The following PLCZ1 variants were observed in gnomAD, a reference collection of about 807,000 sequenced individuals.
PLCZ1 encodes the protein phospholipase C zeta 1, also known as 1-phosphatidylinositol 4,5-bisphosphate phosphodiesterase zeta-1.
PLCZ1 carries 64 observed loss-of-function variants against 76.8 expected under a neutral mutation model. The ratio of observed to expected loss-of-function variants is 0.83; its 90% CI spans 0.68 to 1.03. The LOEUF is 1.03. Among genes scored for constraint, PLCZ1 ranks in the 50% least tolerant of loss-of-function variants. The probability of loss-of-function intolerance (pLI) is 0.00; values close to 1 mark genes in which losing one functional copy is unlikely to be tolerated. For synonymous variants in PLCZ1, 248 were observed against 230.8 expected, an observed-to-expected ratio of 1.07 and a Z score of -0.68; for missense variants, 751 against 713.7, an observed-to-expected ratio of 1.05 and a Z score of -0.60.
Position 18,699,934 on chromosome 12 carries a change from A to G in PLCZ1, c.1034T>C (p.Ile345Thr). Reference protein sequence around the residue: ...FKKKKTRKLKIALALSDLVIY... With the variant: ...FKKKKTRKLKTALALSDLVIY... ...GACAAGATCAGATAAGGCCAGAGCA[A>G]TTTTTAGCTTCCTGGTCTAAAAATA... Residue 345 changes from isoleucine (I) to threonine (T), a missense_variant, in exon 10 of 15, where the codon ATT becomes ACT. By Grantham distance (89) the Ile-to-Thr change is moderately conservative (BLOSUM62 -1). Coordinates refer to ENST00000266505, the MANE Select transcript of PLCZ1 (RefSeq NM_033123.4). The G allele has an allele frequency of 6.2e-7, 1 of 1,610,738 alleles. No homozygotes were observed. The highest frequency in any genetic ancestry group is 8.5e-7 in the Non-Finnish European group (1 of 1,178,684).
At chr12:18,668,813 A>G in the PLCZ1 span, among the ~76,000 whole-genome samples, 8 of 152,176 alleles carry the variant, frequency 5.3e-5, no homozygotes, top group African/African-American at 1.7e-4. Context: ...GCTCTGATAC[A>G]TATCTACTCA....
In PLCZ1 at chr12:18,685,684, G is replaced by A. The variant is rs765972693; in HGVS notation, c.1592-1405C>T. 3 of 513,044 alleles carry A rather than the reference G, an allele frequency of 5.8e-6. No individual in the cohort carries two copies. The Admixed American group carries it at 5.9e-5, about 10-fold the overall frequency. 31.8% of individuals were successfully genotyped at this position (513,044 alleles called of 1,614,324 possible). ...CTAAGAAGAGAAATAATTTCATGGGGTACAGAGGCAGGTTTAGAGTCAATT... is the reference window on the plus strand; with the variant it reads ...CTAAGAAGAGAAATAATTTCATGGGATACAGAGGCAGGTTTAGAGTCAATT... On this transcript the variant is annotated intron_variant, in intron 13 of 14. Transcript: ENST00000266505.
intron 12 of PLCZ1, among the ~76,000 whole-genome samples, chr12:18,691,552 G>A (rs1400459331): frequency 1.3e-5 from 2 of 152,108 alleles, no homozygotes; most frequent in African/African-American, 4.8e-5. Flanking sequence ...AAGTAAAAAT[G>A]ACAATCACTT....
chr12:18,672,701 C>A, the PLCZ1 span, among the ~76,000 whole-genome samples: 1 of 152,138 alleles, frequency 6.6e-6, no homozygotes, highest in South Asian at 2.1e-4. Flanking sequence ...ACATGACCAT[C>A]CCAAGGTGAC....
chr12:18,650,320 TC>T, the PLCZ1 span, among the ~76,000 whole-genome samples: 2 of 106,512 alleles, frequency 1.9e-5, no homozygotes, highest in Non-Finnish European at 1.8e-5. Flanking sequence ...TCTCTCTCTC[TC>T]TCTCTCTCTC....
chr12:18,699,801 T>C lies in PLCZ1; in HGVS notation c.1167A>G (p.Lys389=). 2 of 1,613,402 alleles carry C rather than the reference T, an allele frequency of 1.2e-6. No individual in the cohort carries two copies. Among genetic ancestry groups the C allele is most frequent in the Non-Finnish European group, 1.7e-6 (2 of 1,179,560 alleles). Residue 389 remains lysine, a synonymous_variant, in exon 10 of 15, where the codon AAA becomes AAG. Transcript: ENST00000266505. The part of the protein sequence containing the change: ...IGETQARKLS[K]LRVHEFIFHT... ...TGAGTCACAAAAATTTACCTCGCAA[T>C]TTTGAAAGTTTTCGGGCTTGTGTCT...
At chr12:18,687,539 G>A (rs1325418140) in intron 13 of PLCZ1, among the ~76,000 whole-genome samples, 2 of 152,088 alleles carry the variant, frequency 1.3e-5, no homozygotes, top group African/African-American at 2.4e-5. Context: ...GTCATAGCAT[G>A]CCAGAATGAT....
chr12:18,658,838 G>A, the PLCZ1 span, among the ~76,000 whole-genome samples: 1 of 152,070 alleles, frequency 6.6e-6, no homozygotes, highest in Non-Finnish European at 1.5e-5. Context: ...CTTCAGAAAT[G>A]TTCTAAAGTG....
At chr12:18,691,037 C>G (rs1210076908) in intron 12 of PLCZ1, among the ~76,000 whole-genome samples, 1 of 152,132 alleles carries the variant, frequency 6.6e-6, no homozygotes, top group African/African-American at 2.4e-5. Flanking sequence ...CTGAAACCAT[C>G]AGGAAGCCAA....
chr12:18,736,553 G>GCTCC, intron 2 of PLCZ1: 3 of 1,267,284 alleles, frequency 2.4e-6, no homozygotes, highest in Non-Finnish European at 3.1e-6. Context: ...GCATAGCACA[G>GCTCC]TAAAAATACA....
Position 18,701,579 on chromosome 12 carries a change from T to C in PLCZ1, c.950-11A>G. ...TGTCTTGATTGTCTCCTAAAACAGA[T>C]TCCAATACTTCTGATTCTTTGAATT... On this transcript the variant is annotated splice_polypyrimidine_tract_variant and intron_variant, in intron 8 of 14. Coordinates refer to ENST00000266505, the MANE Select transcript of PLCZ1 (RefSeq NM_033123.4). 6.2e-7 allele frequency: 1 copy of C among 1,613,434 alleles called. No homozygotes were observed. The highest frequency in any genetic ancestry group is 8.5e-7 in the Non-Finnish European group (1 of 1,179,874).
At chr12:18,718,614 A>G (rs1185764830) in intron 5 of PLCZ1, among the ~76,000 whole-genome samples, 2 of 152,098 alleles carry the variant, frequency 1.3e-5, no homozygotes, top group Non-Finnish European at 2.9e-5. Context: ...GGCTTCCTGT[A>G]TCATCACTCA....
chr12:18,688,316 C>T (rs924759941), intron 12 of PLCZ1, 98 bp from the exon 13 acceptor site: 19 of 1,267,298 alleles, frequency 1.5e-5, no homozygotes, highest in African/African-American at 3.0e-5. Flanking sequence ...AGTTGATGGA[C>T]TCTAAGTCAG....
At chr12:18,705,062 A>G (rs1437825665) in intron 7 of PLCZ1, 104 bp downstream of exon 7, 1 of 1,400,872 alleles carries the variant, frequency 7.1e-7, no homozygotes, top group Non-Finnish European at 1.0e-6. Context: ...GATCAAAACT[A>G]AGCATTTTCA....
chr12:18,692,125 G>C (rs1954189790), intron 12 of PLCZ1, among the ~76,000 whole-genome samples: 2 of 152,276 alleles, frequency 1.3e-5, no homozygotes, highest in South Asian at 4.1e-4. Flanking sequence ...CCAGGTAATG[G>C]GGAGCAGAGG....
Position 18,723,435 on chromosome 12 carries a change from A to G in PLCZ1, c.243T>C (p.Ser81=). Residue 81 remains serine, a synonymous_variant, in exon 4 of 15, where the codon TCT becomes TCC. Coordinates refer to ENST00000266505, the MANE Select transcript of PLCZ1 (RefSeq NM_033123.4). ...TTGCTAAAAGAATTTTCCGGTTTTC[A>G]GAATATGTGTTGAAAATCTCAATAA... The part of the protein sequence containing the change: ...EEIIEIFNTY[S]ENRKILLASN... 1 of 1,613,078 alleles carries G rather than the reference A, an allele frequency of 6.2e-7. No homozygotes were observed. Among genetic ancestry groups the G allele is most frequent in the Non-Finnish European group, 8.5e-7 (1 of 1,179,446 alleles).
At chr12:18,692,101 T>C (rs1045934656) in intron 12 of PLCZ1, among the ~76,000 whole-genome samples, 2 of 152,146 alleles carry the variant, frequency 1.3e-5, no homozygotes, top group African/African-American at 4.8e-5. Context: ...CCAGCATTTC[T>C]TGCACTCTAA....
the PLCZ1 span, among the ~76,000 whole-genome samples, chr12:18,669,036 T>TA: frequency 6.6e-6 from 1 of 152,178 alleles, no homozygotes; most frequent in Non-Finnish European, 1.5e-5. Context: ...GTAATAATAA[T>TA]AATAGCTAAT....
intron 6 of PLCZ1, among the ~76,000 whole-genome samples, chr12:18,706,661 T>A (rs973182761): frequency 6.6e-6 from 1 of 152,202 alleles, no homozygotes; most frequent in Non-Finnish European, 1.5e-5. Flanking sequence ...TGTTTTGATT[T>A]CATATATACT....
Sources: allele counts gnomAD v4.1 joint callset (sites outside exome capture counted in the v4.1 genomes callset), GRCh38; gene constraint gnomAD v4.1.1; transcripts MANE v1.5; gene names NCBI Gene and HGNC (gene_info 2026-07-23, HGNC 2026-07-21).